The following COL4A4 variants were observed in gnomAD, a reference collection of about 807,000 sequenced individuals.
COL4A4 encodes collagen alpha-4(IV) chain.
Under a neutral mutation model 192.9 loss-of-function variants are expected in COL4A4, and 105 were observed. The observed-to-expected ratio is 0.54, with a 90% CI of 0.46 to 0.64. The LOEUF (loss-of-function observed/expected upper bound fraction) is 0.64. Ranked by LOEUF, COL4A4 falls within the 30% of genes least tolerant of loss-of-function variation. The probability of loss-of-function intolerance (pLI) is 0.00; values close to 1 mark genes in which losing one functional copy is unlikely to be tolerated. For synonymous variants in COL4A4, 762 were observed against 769.9 expected (o/e 0.99, Z 0.17); for missense variants, 1,967 against 2,169.3 (o/e 0.91, Z 1.85).
At chr2:227,130,432 G>C (rs1456153020) in intron 4 of COL4A4, among the ~76,000 whole-genome samples, 1 of 152,218 alleles carries the variant, frequency 6.6e-6, no homozygotes, top group East Asian at 1.9e-4. Context: ...CTCCTGGTAA[G>C]CTCCCTGACT....
chr2:227,060,060 G>A, intron 27 of COL4A4, 76 bp downstream of exon 27: 1 of 884,656 alleles, frequency 1.1e-6, no homozygotes, highest in Non-Finnish European at 1.7e-6. Flanking sequence ...TTATCCATCG[G>A]TAGAAATGTT....
At position 227,010,472 on chromosome 2, in the gene COL4A4, G is replaced by C. The variant is rs1313789894; in HGVS notation, c.4363C>G (p.Pro1455Ala). The change falls in exon 46 of 48, where the codon CCC (proline) becomes GCC (alanine). Residue 1455 changes from proline to alanine, a missense_variant. By Grantham distance (27) the Pro-to-Ala change is conservative (BLOSUM62 -1). Coordinates refer to ENST00000396625, the MANE Select transcript of COL4A4 (RefSeq NM_000092.5). ...AGGTATCCAGGGCCAAACCCTTTGG[G>C]CCCAGGATCCCCAATGGGACCAGGA... is the stretch of plus-strand genomic sequence containing the variant. ...GPPGPIGDPGPKGFGPGYLGG... is the reference protein window; with the variant it reads ...GPPGPIGDPGAKGFGPGYLGG... 3.8e-6 allele frequency: 6 copies of C among 1,593,974 alleles called. 1 individual carries two copies. The East Asian group carries it at 1.3e-4, about 36-fold the overall frequency.
At chr2:226,996,476 C>T in the COL4A4 span, 4 of 152,218 alleles carry the variant, frequency 2.6e-5, no homozygotes, top group Non-Finnish European at 5.9e-5. Flanking sequence ...CTGTCTGAGT[C>T]GTTTAAGGCA....
intron 30 of COL4A4, 82 bp from the exon 31 acceptor site, chr2:227,054,819 T>A: frequency 1.4e-6 from 2 of 1,411,444 alleles, no homozygotes; most frequent in Non-Finnish European, 2.0e-6. Flanking sequence ...GGACAGAGTC[T>A]CACTCTGTCA....
At chr2:227,122,910 G>T (rs1276569600) in intron 4 of COL4A4, among the ~76,000 whole-genome samples, 1 of 151,952 alleles carries the variant, frequency 6.6e-6, no homozygotes, top group Non-Finnish European at 1.5e-5. Flanking sequence ...TGTTTCCCAG[G>T]CTGGAGTGCA....
rs142196685 is a variant in COL4A4, at chr2:227,056,204, C to T, written c.2546-89G>A. 1.4e-3 allele frequency: 1,522 copies of T among 1,107,848 alleles called. 15 individuals are homozygous for T. The African/African-American group carries it at 0.021, about 15-fold the overall frequency. 68.6% of individuals were successfully genotyped at this position (1,107,848 alleles called of 1,614,324 possible). On this transcript the variant is annotated intron_variant, in intron 29 of 47. Coordinates refer to ENST00000396625, the MANE Select transcript of COL4A4 (RefSeq NM_000092.5). ...AAAATATACAGTAGCTTAAACAATG[C>T]GTTAAACAACAGTAAAGCAATATTT...
intron 44 of COL4A4, among the ~76,000 whole-genome samples, chr2:227,020,237 G>A (rs1965736695): frequency 7.4e-6 from 1 of 135,188 alleles, no homozygotes; most frequent in Non-Finnish European, 1.5e-5. Context: ...CCCAGCTCTG[G>A]ATATTGCAAA....
At position 227,010,437 on chromosome 2, in the gene COL4A4, G is replaced by A. The variant is rs565932524; in HGVS notation, c.4398C>T (p.Phe1466=). ...CCGTCTGACTGTGGAGAACCAGGAG[G>A]AAGCCACCGAGGTATCCAGGGCCAA... The part of the protein sequence containing the change: ...KGFGPGYLGG[F]LLVLHSQTDQ... Residue 1466 remains phenylalanine, a synonymous_variant, in exon 46 of 48, where the codon TTC becomes TTT. Coordinates refer to ENST00000396625, the MANE Select transcript of COL4A4 (RefSeq NM_000092.5). 17 of 1,613,880 alleles carry A rather than the reference G, an allele frequency of 1.1e-5. No homozygotes were observed. The South Asian group carries it at 1.9e-4, about 18-fold the overall frequency.
chr2:227,042,602 G>A (rs1279737364), intron 36 of COL4A4, among the ~76,000 whole-genome samples: 1 of 152,110 alleles, frequency 6.6e-6, no homozygotes, highest in African/African-American at 2.4e-5. Flanking sequence ...CTGAATGGCA[G>A]GAGAAATGCA....
rs61163440 is a variant in COL4A4 at position 227,012,632 on chromosome 2, C to CAAAAAAA, written c.4217-342_4217-336dup. On this transcript the variant is annotated intron_variant, in intron 44 of 47. Transcript: ENST00000396625. ...TTCATAGTCTTCATATATTTGACTT[C>CAAAAAAA]AAAAAAAAAAAAAAAAACTACTGAA... 2.5e-4 allele frequency among the ~76,000 whole-genome samples: 28 copies of CAAAAAAA among 110,254 alleles called. 3 individuals are homozygous for CAAAAAAA. The highest frequency in any genetic ancestry group is 5.6e-4 in the East Asian group (2 of 3,544). 72.3% of individuals were successfully genotyped at this position (110,254 alleles called of 152,430 possible). A position where few individuals can be genotyped will look rare whatever the true frequency, so the allele number is the denominator to read the frequency against.
the COL4A4 span, among the ~76,000 whole-genome samples, chr2:226,988,125 T>G: frequency 2.6e-5 from 4 of 152,202 alleles, no homozygotes; most frequent in African/African-American, 9.7e-5. Context: ...TTATTCTATT[T>G]TGAGCTCAGT....
At chr2:227,079,122 G>A (rs35640476) in intron 24 of COL4A4, among the ~76,000 whole-genome samples, 8,105 of 152,262 alleles carry the variant, frequency 0.053, 272 homozygotes, top group Non-Finnish European at 0.076. Flanking sequence ...CACCCCACCT[G>A]ACTGAACAGC....
chr2:227,105,188 A>ATTTTTTTTT (rs36065792), intron 12 of COL4A4, among the ~76,000 whole-genome samples: 2 of 104,068 alleles, frequency 1.9e-5, no homozygotes, highest in Non-Finnish European at 3.7e-5. Context: ...CAGGATCCTG[A>ATTTTTTTTT]TTTTTTTTTT....
rs1284205772 is a variant in COL4A4 at position 227,147,455 on chromosome 2, C to T, written c.29G>A (p.Arg10Lys). The change falls in exon 2 of 48, where the codon AGG (arginine) becomes AAG (lysine). Residue 10 changes from arginine to lysine, a missense_variant. Coordinates refer to ENST00000396625, the MANE Select transcript of COL4A4 (RefSeq NM_000092.5). The stretch of plus-strand genomic sequence containing the variant: ...GGACTTGGTCAATCTGAAGGAGCAC[C>T]TCATTAGTACTATGTGCAGAGACCA... MWSLHIVLM[R>K]CSFRLTKSLA... The T allele has an allele frequency of 1.9e-6, 3 of 1,613,840 alleles. No individual in the cohort carries two copies. Among genetic ancestry groups the T allele is most frequent in the Non-Finnish European group, 8.5e-7 (1 of 1,179,826 alleles).
In COL4A4 at chr2:227,043,094, C is replaced by T; in HGVS notation, c.3380G>A (p.Gly1127Glu). 1 of 1,613,380 alleles carries T rather than the reference C, an allele frequency of 6.2e-7. No homozygotes were observed. The highest frequency in any genetic ancestry group is 8.5e-7 in the Non-Finnish European group (1 of 1,179,810). Reference protein sequence around the residue: ...PGRPGPPGSSGPPGCPGDHGM... With the variant: ...PGRPGPPGSSEPPGCPGDHGM... ...CAAGGTACCTGGGCACCCTGGTGGT[C>T]CAGAGGAGCCAGGTGGCCCTGGCCT... Residue 1127 changes from glycine (G) to glutamate (E), a missense_variant, in exon 36 of 48, where the codon GGA (glycine) becomes GAA (glutamate). Gly to Glu is a moderately conservative substitution (Grantham distance 98). Coordinates refer to ENST00000396625, the MANE Select transcript of COL4A4 (RefSeq NM_000092.5).
chr2:227,041,848 G>GAGAAAGAAAGAGAAGGAAAGAAAGAA (rs1971310289), intron 37 of COL4A4, among the ~76,000 whole-genome samples: 1 of 38,692 alleles, frequency 2.6e-5, no homozygotes, highest in East Asian at 1.1e-3. Context: ...AAGAAAGAAA[G>GAGAAAGAAAGAGAAGGAAAGAAAGAA]AGAAAGAAAG....
At chr2:226,971,923 T>A in the COL4A4 span, among the ~76,000 whole-genome samples, 80 of 145,576 alleles carry the variant, frequency 5.5e-4, no homozygotes, top group African/African-American at 1.9e-3. Context: ...TTTTTTTTTT[T>A]AATTTTACTT....
At chr2:227,105,768 G>T (rs1576545834) in intron 12 of COL4A4, among the ~76,000 whole-genome samples, 1 of 152,136 alleles carries the variant, frequency 6.6e-6, no homozygotes, top group African/African-American at 2.4e-5. Context: ...GGTCACCCAT[G>T]TTTGCAAACC....
At chr2:227,158,367 C>T (rs756093318) in intron 1 of COL4A4, among the ~76,000 whole-genome samples, 32 of 152,104 alleles carry the variant, frequency 2.1e-4, no homozygotes, top group Middle Eastern at 3.4e-3. Context: ...GTAAAAGTAA[C>T]AATACTACAC....
Sources: gnomAD v4.1 joint callset for allele counts (sites outside exome capture counted in the v4.1 genomes callset) on GRCh38, gnomAD v4.1.1 for gene constraint, MANE v1.5 for transcripts, NCBI Gene and HGNC (gene_info 2026-07-23, HGNC 2026-07-21) for gene names.